TNNC2: variants seen among roughly 807,000 people sequenced by gnomAD.
The protein encoded by TNNC2 is troponin C2, fast skeletal type, also known as troponin C, skeletal muscle.
TNNC2 carries 14 observed loss-of-function variants against 20.0 expected under a neutral mutation model. The observed-to-expected ratio is 0.70, with a 90% CI of 0.46 to 1.09. The LOEUF (loss-of-function observed/expected upper bound fraction) is 1.09, where lower values mean the gene tolerates loss of function less well. TNNC2 is among the 50% of genes least tolerant of loss of function. The pLI, the probability that TNNC2 is intolerant of heterozygous loss-of-function variation, is 0.00. For synonymous variants in TNNC2, 81 were observed against 77.3 expected, an observed-to-expected ratio of 1.05 and a Z score of -0.25; for missense variants, 163 against 223.8, an observed-to-expected ratio of 0.73 and a Z score of 1.73.
chr20:45,824,070 C>G lies in TNNC2; in HGVS notation c.372G>C (p.Gly124=), dbSNP rs765348042. Residue 124 remains glycine, a synonymous_variant, in exon 5 of 6, where the codon GGG becomes GGC. Transcript: ENST00000372555. The stretch of plus-strand genomic sequence containing the variant: ...CGATCTCCTCGTCCGTCACGTGCTC[C>G]CCGGAGGCCCTGAAAATCTCAGCCA... ...EELAEIFRAS[G]EHVTDEEIES... is the part of the protein sequence containing the mutation. The G allele has an allele frequency of 6.2e-7, 1 of 1,614,130 alleles. No homozygotes were observed. Among genetic ancestry groups the G allele is most frequent in the South Asian group, 1.1e-5 (1 of 91,082 alleles).
chr20:45,827,336 G>A (rs1982999453), upstream of TNNC2: 1 of 1,570,062 alleles, frequency 6.4e-7, no homozygotes, highest in Non-Finnish European at 8.7e-7. Flanking sequence ...CTAGCCCCCG[G>A]GATTTGTAGG....
chr20:45,827,263 G>C lies in TNNC2; in HGVS notation c.-15C>G, dbSNP rs754727107. 5 of 1,613,938 alleles carry C rather than the reference G, an allele frequency of 3.1e-6. No homozygotes were observed. The highest frequency in any genetic ancestry group is 2.2e-5 in the South Asian group (2 of 91,088). ...GTCCTTACCATGGTTGCTGGTGACC[G>C]GGACTCCTCTGTTGCAGGTCGCCTC... On this transcript the variant is annotated 5_prime_UTR_variant, in exon 1 of 6. Transcript: ENST00000372555.
upstream of TNNC2, among the ~76,000 whole-genome samples, chr20:45,828,617 A>G (rs1983032030): frequency 6.6e-6 from 1 of 152,120 alleles, no homozygotes; most frequent in Non-Finnish European, 1.5e-5. Context: ...CAGTGAAGAA[A>G]TCTGGTCATC....
Position 45,824,772 on chromosome 20 carries a change from G to A in TNNC2, c.55+11C>T, listed in dbSNP as rs377179352. Reference sequence around the variant, plus strand: ...ATCCACCCAGCCCCCAGCCTGCCGCGCCTCACTCACCAGCGATCATCTCTT... The same window carrying A: ...ATCCACCCAGCCCCCAGCCTGCCGCACCTCACTCACCAGCGATCATCTCTT... On this transcript the variant is annotated intron_variant, in intron 2 of 5. Coordinates refer to ENST00000372555, the MANE Select transcript of TNNC2 (RefSeq NM_003279.3). 202 of 1,472,980 alleles carry A rather than the reference G, an allele frequency of 1.4e-4. No homozygotes were observed. The highest frequency in any genetic ancestry group is 2.3e-4 in the Admixed American group (12 of 51,832). 91.2% of individuals were successfully genotyped at this position (1,472,980 alleles called of 1,614,324 possible).
At chr20:45,832,142 C>T (rs73622610), upstream of TNNC2, among the ~76,000 whole-genome samples, 4 of 152,106 alleles carry the variant, frequency 2.6e-5, no homozygotes, top group African/African-American at 9.6e-5. Flanking sequence ...TGAAACCCCA[C>T]CTCTACTAAA....
chr20:45,827,427 C>T, upstream of TNNC2: 1 of 705,474 alleles, frequency 1.4e-6, no homozygotes, highest in Non-Finnish European at 2.4e-6. Flanking sequence ...GAGTCCCACC[C>T]CTCCCACAGT....
chr20:45,825,572 G>A (rs931342512), intron 1 of TNNC2, among the ~76,000 whole-genome samples: 1 of 152,074 alleles, frequency 6.6e-6, no homozygotes, highest in Non-Finnish European at 1.5e-5. Flanking sequence ...GATTACAGGC[G>A]TGAGCCACCA....
chr20:45,824,476 C>T lies in TNNC2; in HGVS notation c.199+19G>A. 1 of 1,613,158 alleles carries T rather than the reference C, an allele frequency of 6.2e-7. No homozygotes were observed. The highest frequency in any genetic ancestry group is 8.5e-7 in the Non-Finnish European group (1 of 1,179,972). On this transcript the variant is annotated intron_variant, in intron 3 of 5. Coordinates refer to ENST00000372555, the MANE Select transcript of TNNC2 (RefSeq NM_003279.3). ...CGCCTCTCCCCACCATCCCCTGCCT[C>T]CGAGGGACACCCGCTCACCGTCCTC...
chr20:45,824,696 ACCCCCCCCCAAC>A (rs1010261664), intron 2 of TNNC2, 58 bp from the exon 3 acceptor site: 1 of 1,385,650 alleles, frequency 7.2e-7, no homozygotes, highest in Admixed American at 2.1e-5. Flanking sequence ...CCTCACACCT[ACCCCCCCCCAAC>A]CCCCACCCTG....
Position 45,824,384 on chromosome 20 carries a change from C to G in TNNC2, c.222G>C (p.Glu74Asp), listed in dbSNP as rs1220182292. The change falls in exon 4 of 6, where the codon GAG (glutamate) becomes GAC (aspartate). Residue 74 changes from glutamate to aspartate, a missense_variant. Physicochemically the swap from Glu to Asp is conservative, Grantham distance 45. Transcript: ENST00000372555. Reference protein sequence around the residue: ...DEDGSGTIDFEEFLVMMVRQM... With the variant: ...DEDGSGTIDFDEFLVMMVRQM... ...GGCGCACCATCATGACCAAGAACTCCTCGAAGTCGATGGTGCCGCTGCCTG... is the reference window on the plus strand; with the variant it reads ...GGCGCACCATCATGACCAAGAACTCGTCGAAGTCGATGGTGCCGCTGCCTG... 5 of 1,610,816 alleles carry G rather than the reference C, an allele frequency of 3.1e-6. No individual in the cohort carries two copies. Among genetic ancestry groups the G allele is most frequent in the Non-Finnish European group, 4.2e-6 (5 of 1,180,008 alleles).
At position 45,824,699 on chromosome 20, in the gene TNNC2, C is replaced by G; in HGVS notation, c.56-61G>C. The G allele has an allele frequency of 2.6e-6, 4 of 1,557,720 alleles. No individual in the cohort carries two copies. In the South Asian group the frequency reaches 4.6e-5, roughly 18 times the overall value. Reference sequence around the variant, plus strand: ...CTGGACTGTCAGCCTCACACCTACCCCCCCCCAACCCCCACCCTGCCTAGA... The same window carrying G: ...CTGGACTGTCAGCCTCACACCTACCGCCCCCCAACCCCCACCCTGCCTAGA... On this transcript the variant is annotated intron_variant, in intron 2 of 5. Coordinates refer to ENST00000372555, the MANE Select transcript of TNNC2 (RefSeq NM_003279.3).
upstream of TNNC2, among the ~76,000 whole-genome samples, chr20:45,829,002 A>G (rs1464542050): frequency 6.6e-6 from 1 of 151,960 alleles, no homozygotes; most frequent in African/African-American, 2.4e-5. Context: ...TGTTTTTGAG[A>G]CAGACTCTCA....
intron 1 of TNNC2, 86 bp from the exon 2 acceptor site, chr20:45,824,920 T>A: frequency 6.9e-7 from 1 of 1,450,234 alleles, no homozygotes; most frequent in South Asian, 1.2e-5. Context: ...CAACCCCCAC[T>A]CTGTCAGCGC....
Position 45,823,908 on chromosome 20 carries a change from G to T in TNNC2, c.451+83C>A. 1.3e-6 allele frequency: 2 copies of T among 1,594,906 alleles called. No homozygotes were observed. The highest frequency in any genetic ancestry group is 8.5e-7 in the Non-Finnish European group (1 of 1,169,948). ...GCCCAGCCCAGCCCACAAGGCCAAG[G>T]ACACTGCACCGGAGCCAGGCACCAG... is the stretch of plus-strand genomic sequence containing the variant. On this transcript the variant is annotated intron_variant, in intron 5 of 5. Coordinates refer to ENST00000372555, the MANE Select transcript of TNNC2 (RefSeq NM_003279.3). This position sits in a 1 kb window ranked among gnomAD's most constrained non-coding sequence, Gnocchi z 4.6.
At position 45,824,903 on chromosome 20, in the gene TNNC2, T is replaced by C. The variant is rs557733300; in HGVS notation, c.4-69A>G. The C allele has an allele frequency of 4.5e-6, 7 of 1,569,508 alleles. No homozygotes were observed. In the South Asian group the frequency reaches 5.6e-5, roughly 12 times the overall value. ...AGAGCAGTTCCTCACCTCAAAGCCA[T>C]TCTTCCCAACCCCCACTCTGTCAGC... On this transcript the variant is annotated intron_variant, in intron 1 of 5. Coordinates refer to ENST00000372555, the MANE Select transcript of TNNC2 (RefSeq NM_003279.3).
upstream of TNNC2, among the ~76,000 whole-genome samples, chr20:45,829,905 C>G (rs1293994430): frequency 1.3e-5 from 2 of 151,926 alleles, no homozygotes; most frequent in African/African-American, 4.8e-5. Context: ...CTGAGCCCAG[C>G]CTTTGTTCTT....
Position 45,827,290 on chromosome 20 carries a change from T to C in TNNC2, c.-42A>G. ...GACTCCTCTGTTGCAGGTCGCCTCC[T>C]TTGCACTCCACCACCCAAAGATGAC... On this transcript the variant is annotated 5_prime_UTR_variant, in exon 1 of 6. Coordinates refer to ENST00000372555, the MANE Select transcript of TNNC2 (RefSeq NM_003279.3). The C allele has an allele frequency of 6.2e-7, 1 of 1,613,900 alleles. No individual in the cohort carries two copies.
chr20:45,828,811 G>T (rs935223793), upstream of TNNC2, among the ~76,000 whole-genome samples: 10 of 152,116 alleles, frequency 6.6e-5, no homozygotes, highest in African/African-American at 2.4e-4. Context: ...ACCAAGGAAT[G>T]CAGATGGACA....
intron 2 of TNNC2, 43 bp from the exon 3 acceptor site, chr20:45,824,681 G>A (rs907190471): frequency 3.1e-6 from 5 of 1,604,862 alleles, no homozygotes; most frequent in Admixed American, 3.4e-5. Context: ...CTGCTGGACT[G>A]TCAGCCTCAC....
Sources: allele counts gnomAD v4.1 joint callset (sites outside exome capture counted in the v4.1 genomes callset), GRCh38; gene constraint gnomAD v4.1.1; non-coding constraint Gnocchi (gnomAD v3.1); transcripts MANE v1.5; gene names NCBI Gene and HGNC (gene_info 2026-07-23, HGNC 2026-07-21).